Variants in SAFB2 observed in about 807,000 individuals in gnomAD.
The protein encoded by SAFB2 is scaffold attachment factor B2.
Under a neutral mutation model 100.6 loss-of-function variants are expected in SAFB2, and 32 were observed. The ratio of observed to expected loss-of-function variants is 0.32; its 90% CI spans 0.24 to 0.43. The LOEUF is 0.43. Among genes scored for constraint, SAFB2 ranks in the 20% least tolerant of loss-of-function variants. The pLI, the probability that SAFB2 is intolerant of heterozygous loss-of-function variation, is 1.00. For synonymous variants in SAFB2, 500 were observed against 439.4 expected (o/e 1.14, Z -1.72); for missense variants, 1,185 against 1,163.4 (o/e 1.02, Z -0.27).
In SAFB2 at chr19:5,589,321, C is replaced by T. The variant is rs143388960; in HGVS notation, c.2525+957G>A. Among the ~76,000 whole-genome samples, 639 of 152,294 alleles carry T rather than the reference C, an allele frequency of 4.2e-3. 3 individuals carry two copies. Among genetic ancestry groups the T allele is most frequent in the South Asian group, 0.012 (59 of 4,824 alleles). ...CACCAACTGATCAGAGCACTGCCAC[C>T]GTCTGTGCTGCCCAGAGATTCAGGA... On this transcript the variant is annotated intron_variant, in intron 18 of 20. Transcript: ENST00000252542.
chr19:5,600,347 AG>A, intron 11 of SAFB2, 87 bp from the exon 12 acceptor site: 1 of 1,539,210 alleles, frequency 6.5e-7, no homozygotes. Context: ...ACACATACTC[AG>A]ACGTCCACAC....
intron 18 of SAFB2, among the ~76,000 whole-genome samples, chr19:5,588,583 G>A (rs779671997): frequency 1.3e-5 from 2 of 152,216 alleles, no homozygotes; most frequent in African/African-American, 2.4e-5. Flanking sequence ...GGCCCAGGCA[G>A]CATGTGGAGA....
chr19:5,607,451 T>G (rs558337980), intron 9 of SAFB2, among the ~76,000 whole-genome samples: 1 of 152,264 alleles, frequency 6.6e-6, no homozygotes, highest in South Asian at 2.1e-4. Context: ...GTTCTTGCAC[T>G]ACGCTGAAAC....
At chr19:5,599,226 T>C (rs760865475) in intron 12 of SAFB2, among the ~76,000 whole-genome samples, 1 of 152,066 alleles carries the variant, frequency 6.6e-6, no homozygotes, top group Non-Finnish European at 1.5e-5. Context: ...ATGCTGTCAC[T>C]CCTCCCTGAC....
At chr19:5,599,398 C>T (rs1568214444) in intron 12 of SAFB2, among the ~76,000 whole-genome samples, 1 of 152,208 alleles carries the variant, frequency 6.6e-6, no homozygotes, top group Non-Finnish European at 1.5e-5. Flanking sequence ...GCATAAACCA[C>T]TGGAACAATG....
At chr19:5,610,577 G>A in intron 8 of SAFB2, 62 bp downstream of exon 8, 5 of 1,199,902 alleles carry the variant, frequency 4.2e-6, no homozygotes, top group East Asian at 2.4e-5. Context: ...ATATCTCCAG[G>A]CCCCTCCTCC....
At chr19:5,589,514 G>A (rs945106286) in intron 18 of SAFB2, among the ~76,000 whole-genome samples, 2 of 152,034 alleles carry the variant, frequency 1.3e-5, no homozygotes, top group Admixed American at 1.3e-4. Context: ...GCCAGGGCTG[G>A]AGACAAGACA....
Position 5,616,412 on chromosome 19 carries a change from C to T in SAFB2, c.339+10G>A, listed in dbSNP as rs1410407268. The stretch of plus-strand genomic sequence containing the variant: ...CTGCTGCTTGTCATCTCTACCCTGA[C>T]ATCACTTACCTGCCCGTCTCTGGAA... On this transcript the variant is annotated intron_variant, in intron 3 of 20. Coordinates refer to ENST00000252542, the MANE Select transcript of SAFB2 (RefSeq NM_014649.3). 2 of 1,613,962 alleles carry T rather than the reference C, an allele frequency of 1.2e-6. No individual in the cohort carries two copies. Among genetic ancestry groups the T allele is most frequent in the Non-Finnish European group, 1.7e-6 (2 of 1,180,010 alleles).
intron 5 of SAFB2, 37 bp from the exon 6 acceptor site, chr19:5,612,604 T>G: frequency 6.4e-7 from 1 of 1,564,526 alleles, no homozygotes; most frequent in Non-Finnish European, 8.8e-7. Context: ...ACAAGTCACT[T>G]TAAACACGGG....
intron 14 of SAFB2, 73 bp from the exon 15 acceptor site, chr19:5,594,251 G>T: frequency 6.9e-6 from 10 of 1,459,430 alleles, no homozygotes; most frequent in Non-Finnish European, 9.0e-6. Context: ...GCCCAAAACT[G>T]GGTGTGTATT....
intron 13 of SAFB2, 22 bp from the exon 14 acceptor site, chr19:5,595,519 T>C (rs1349710342): frequency 1.2e-6 from 2 of 1,611,412 alleles, no homozygotes; most frequent in South Asian, 1.1e-5. Flanking sequence ...AACTGGTTTA[T>C]TAATGTCAGG....
chr19:5,622,540 C>T lies in SAFB2; in HGVS notation c.176G>A (p.Arg59Gln). 6.2e-7 allele frequency: 1 copy of T among 1,612,280 alleles called. No individual in the cohort carries two copies. Among genetic ancestry groups the T allele is most frequent in the Non-Finnish European group, 8.5e-7 (1 of 1,179,372 alleles). ...TGGNKSVLME[R>Q]LKKAVKEEGQ... ...CCCGCGCCGCCTCACCTTCTTGAGCCGCTCCATCAGGACGCTCTTGTTGCC... is the reference window on the plus strand; with the variant it reads ...CCCGCGCCGCCTCACCTTCTTGAGCTGCTCCATCAGGACGCTCTTGTTGCC... Residue 59 changes from arginine (R) to glutamine (Q), a missense_variant, in exon 1 of 21, where the codon CGG becomes CAG. Transcript: ENST00000252542.
intron 13 of SAFB2, among the ~76,000 whole-genome samples, chr19:5,595,761 G>T (rs2052524076): frequency 6.6e-6 from 1 of 152,196 alleles, no homozygotes; most frequent in Admixed American, 6.5e-5. Context: ...AAACCTACAG[G>T]CACAGTTCTT....
chr19:5,593,423 T>C (rs902956166), intron 15 of SAFB2, among the ~76,000 whole-genome samples: 1 of 152,196 alleles, frequency 6.6e-6, no homozygotes, highest in Non-Finnish European at 1.5e-5. Context: ...TTAAGCCGCC[T>C]GGGGTAGCTA....
chr19:5,598,838 T>G lies in SAFB2; in HGVS notation c.1737A>C (p.Gly579=). ...TGGTTTTCACGCTAATGACGGGCTC[T>G]CCTTTCGATTTATCCATCACGACCG... ...ERTVVMDKSK[G]EPVISVKTTS... is the part of the protein sequence containing the mutation. Residue 579 remains glycine, a synonymous_variant, in exon 13 of 21, where the codon GGA becomes GGC. Coordinates refer to ENST00000252542, the MANE Select transcript of SAFB2 (RefSeq NM_014649.3). The G allele has an allele frequency of 4.3e-6, 7 of 1,614,196 alleles. No individual in the cohort carries two copies. The highest frequency in any genetic ancestry group is 5.9e-6 in the Non-Finnish European group (7 of 1,180,026).
intron 12 of SAFB2, among the ~76,000 whole-genome samples, chr19:5,599,783 C>T (rs554467800): frequency 5.9e-5 from 9 of 152,148 alleles, no homozygotes; most frequent in African/African-American, 1.2e-4. Context: ...GAAAACTTTA[C>T]TGCACACCTG....
chr19:5,619,901 G>A (rs1212211071), intron 2 of SAFB2, among the ~76,000 whole-genome samples: 1 of 150,942 alleles, frequency 6.6e-6, no homozygotes, highest in Non-Finnish European at 1.5e-5. Flanking sequence ...GATATTTTGA[G>A]TAGTAAGTCT....
In SAFB2 at chr19:5,616,402, T is replaced by G. The variant is rs1346604909; in HGVS notation, c.339+20A>C. 2.5e-6 allele frequency: 4 copies of G among 1,613,850 alleles called. No homozygotes were observed. Among genetic ancestry groups the G allele is most frequent in the Non-Finnish European group, 3.4e-6 (4 of 1,179,944 alleles). On this transcript the variant is annotated intron_variant, in intron 3 of 20. Transcript: ENST00000252542. ...GGACAGGGAGCTGCTGCTTGTCATC[T>G]CTACCCTGACATCACTTACCTGCCC... is the stretch of plus-strand genomic sequence containing the variant.
At position 5,604,604 on chromosome 19, in the gene SAFB2, GAAT is replaced by G. The variant is rs754742807; in HGVS notation, c.1535_1537del (p.His512_Ser513delinsPro). Reference sequence around the variant, plus strand: ...TTACTTTTCAATTTTGATCTCCACAGAATGATGTCTGTCGACACTCGATAATTT... The same window carrying G: ...TTACTTTTCAATTTTGATCTCCACAGGATGTCTGTCGACACTCGATAATTT... On this transcript the variant is annotated inframe_deletion, in exon 11 of 21. Coordinates refer to ENST00000252542, the MANE Select transcript of SAFB2 (RefSeq NM_014649.3). 1.2e-6 allele frequency: 2 copies of G among 1,613,890 alleles called. No homozygotes were observed. The highest frequency in any genetic ancestry group is 1.7e-6 in the Non-Finnish European group (2 of 1,179,762).
Sources: allele counts gnomAD v4.1 joint callset (sites outside exome capture counted in the v4.1 genomes callset), GRCh38; gene constraint gnomAD v4.1.1; transcripts MANE v1.5; gene names NCBI Gene and HGNC (gene_info 2026-07-23, HGNC 2026-07-21).